The following BMPR2 variants were observed in gnomAD, a reference collection of about 807,000 sequenced individuals.
BMPR2 encodes the protein bone morphogenetic protein receptor type-2.
Under a neutral mutation model 100.8 loss-of-function variants are expected in BMPR2, and 29 were observed. The ratio of observed to expected loss-of-function variants is 0.29; its 90% CI spans 0.21 to 0.39. BMPR2 has a LOEUF of 0.39. Ranked by LOEUF, BMPR2 falls within the 10% of genes least tolerant of loss-of-function variation. The probability of loss-of-function intolerance (pLI) is 1.00; values close to 1 mark genes in which losing one functional copy is unlikely to be tolerated. For synonymous variants in BMPR2, 382 were observed against 442.3 expected (o/e 0.86, Z 1.71); for missense variants, 1,011 against 1,274.5 (o/e 0.79, Z 3.15).
At chr2:202,386,935 G>A (rs936919781) in intron 1 of BMPR2, among the ~76,000 whole-genome samples, 17 of 151,974 alleles carry the variant, frequency 1.1e-4, no homozygotes, top group African/African-American at 3.9e-4. Context: ...TGCCCACCTC[G>A]GCCTCCCAAA....
At chr2:202,396,966 T>A (rs1346684541) in intron 1 of BMPR2, among the ~76,000 whole-genome samples, 1 of 152,040 alleles carries the variant, frequency 6.6e-6, no homozygotes, top group Non-Finnish European at 1.5e-5. Context: ...CCTGGTTAAT[T>A]TTGTATTTTT....
At chr2:202,446,169 G>C (rs534568564) in intron 1 of BMPR2, among the ~76,000 whole-genome samples, 1 of 150,564 alleles carries the variant, frequency 6.6e-6, no homozygotes, top group Admixed American at 6.6e-5. Flanking sequence ...GGGAGGCTGA[G>C]GTGGGCGGAT....
chr2:202,427,002 G>A (rs905432462), intron 1 of BMPR2, among the ~76,000 whole-genome samples: 3 of 152,226 alleles, frequency 2.0e-5, no homozygotes, highest in Non-Finnish European at 2.9e-5. Context: ...TGATACTCAA[G>A]ACTAGGATGG....
At chr2:202,416,544 G>C (rs1691129541) in intron 1 of BMPR2, among the ~76,000 whole-genome samples, 1 of 151,276 alleles carries the variant, frequency 6.6e-6, no homozygotes, top group Admixed American at 6.6e-5. Context: ...TCCTGCCTCA[G>C]CCTCCCAAGT....
chr2:202,380,965 CTTTTTTTTTTTTT>C (rs1159400445), intron 1 of BMPR2, among the ~76,000 whole-genome samples: 2 of 70,786 alleles, frequency 2.8e-5, no homozygotes, highest in East Asian at 3.5e-4. Context: ...TTCTTTCTTT[CTTTTTTTTTTTTT>C]TTTTTTTTTT....
At chr2:202,508,111 A>ATTT (rs869227783) in intron 3 of BMPR2, among the ~76,000 whole-genome samples, 2 of 110,834 alleles carry the variant, frequency 1.8e-5, no homozygotes, top group Non-Finnish European at 3.8e-5. Context: ...TATTATTATT[A>ATTT]TTTTTGAGTC....
At chr2:202,488,201 G>A (rs1416081974) in intron 3 of BMPR2, among the ~76,000 whole-genome samples, 1 of 152,084 alleles carries the variant, frequency 6.6e-6, no homozygotes, top group Non-Finnish European at 1.5e-5. Flanking sequence ...GTGAACTCCT[G>A]TTGAGGGTAT....
In BMPR2 at chr2:202,515,571, C is replaced by CA. The variant is rs1297491040; in HGVS notation, c.621+606dup. Reference sequence around the variant, plus strand: ...GGGCAACAAGAGCGAAACTCTGCCACAAAAAAAAAAAAAAGAAAGAAAGAA... The same window carrying CA: ...GGGCAACAAGAGCGAAACTCTGCCACAAAAAAAAAAAAAAAGAAAGAAAGAA... On this transcript the variant is annotated intron_variant, in intron 5 of 12. Coordinates refer to ENST00000374580, the MANE Select transcript of BMPR2 (RefSeq NM_001204.7). 5.8e-3 allele frequency among the ~76,000 whole-genome samples: 437 copies of CA among 75,246 alleles called. 1 individual carries two copies. Among genetic ancestry groups the CA allele is most frequent in the African/African-American group, 0.01 (207 of 19,720 alleles). 49.4% of individuals were successfully genotyped at this position (75,246 alleles called of 152,430 possible).
At chr2:202,432,507 C>G (rs190478622) in intron 1 of BMPR2, among the ~76,000 whole-genome samples, 7 of 150,096 alleles carry the variant, frequency 4.7e-5, no homozygotes, top group Admixed American at 6.6e-5. Flanking sequence ...ACACGTCTTA[C>G]CATATGTGGG....
At chr2:202,425,782 T>C (rs2105927454) in intron 1 of BMPR2, among the ~76,000 whole-genome samples, 1 of 152,230 alleles carries the variant, frequency 6.6e-6, no homozygotes, top group East Asian at 1.9e-4. Flanking sequence ...GACCTTGGTC[T>C]AAAAAAGAAT....
At chr2:202,555,161 C>T in intron 11 of BMPR2, 91 bp from the exon 12 acceptor site, 10 of 1,208,984 alleles carry the variant, frequency 8.3e-6, no homozygotes, top group Non-Finnish European at 1.1e-5. Context: ...TGAAAAACAA[C>T]TCAGACTTTA....
At chr2:202,541,243 C>T (rs1574499393) in intron 9 of BMPR2, among the ~76,000 whole-genome samples, 1 of 151,956 alleles carries the variant, frequency 6.6e-6, no homozygotes, top group African/African-American at 2.4e-5. Context: ...AAGTATGAGA[C>T]CAGCCTGGGC....
chr2:202,538,511 G>T (rs1688206909), intron 9 of BMPR2, among the ~76,000 whole-genome samples: 5 of 151,906 alleles, frequency 3.3e-5, no homozygotes, highest in Admixed American at 3.3e-4. Flanking sequence ...GTGAGGGTGG[G>T]CCAGGCACAG....
intron 1 of BMPR2, among the ~76,000 whole-genome samples, chr2:202,456,858 A>G (rs906625606): frequency 1.3e-5 from 2 of 152,108 alleles, no homozygotes; most frequent in African/African-American, 4.8e-5. Flanking sequence ...TCTGCTACTC[A>G]CAGTGAACCC....
chr2:202,402,527 A>C (rs1398230258), intron 1 of BMPR2, among the ~76,000 whole-genome samples: 1 of 152,022 alleles, frequency 6.6e-6, no homozygotes, highest in East Asian at 1.9e-4. Flanking sequence ...AAAAAACAAA[A>C]AACAAACAAA....
intron 3 of BMPR2, among the ~76,000 whole-genome samples, chr2:202,498,464 C>T (rs756229161): frequency 1.5e-4 from 23 of 150,658 alleles, no homozygotes; most frequent in Non-Finnish European, 2.6e-4. Flanking sequence ...GCAACTATTC[C>T]GATCAGCAGG....
At chr2:202,419,388 G>C (rs1691208983) in intron 1 of BMPR2, among the ~76,000 whole-genome samples, 1 of 151,866 alleles carries the variant, frequency 6.6e-6, no homozygotes, top group Admixed American at 6.6e-5. Context: ...ATAGAGTCTT[G>C]CTCTGTCACT....
intron 1 of BMPR2, among the ~76,000 whole-genome samples, chr2:202,410,904 A>T (rs1180739068): frequency 8.5e-5 from 13 of 152,252 alleles, no homozygotes; most frequent in Admixed American, 5.9e-4. Context: ...ATAATAATAA[A>T]AAATAGTAAA....
intron 1 of BMPR2, among the ~76,000 whole-genome samples, chr2:202,417,039 T>C (rs1691145423): frequency 6.6e-6 from 1 of 151,582 alleles, no homozygotes; most frequent in Non-Finnish European, 1.5e-5. Flanking sequence ...GATTTCACTG[T>C]GTTAGCCAGG....
Sources: gnomAD v4.1 joint callset for allele counts (sites outside exome capture counted in the v4.1 genomes callset) on GRCh38, gnomAD v4.1.1 for gene constraint, MANE v1.5 for transcripts, NCBI Gene and HGNC (gene_info 2026-07-23, HGNC 2026-07-21) for gene names.